Variants in COL18A1 observed in about 807,000 individuals in gnomAD.
COL18A1 encodes collagen alpha-1(XVIII) chain.
A neutral mutation model predicts 168.0 loss-of-function variants in COL18A1; 133 were observed. The ratio of observed to expected loss-of-function variants is 0.79; its 90% CI spans 0.69 to 0.91. The LOEUF (loss-of-function observed/expected upper bound fraction) is 0.91. Among genes scored for constraint, COL18A1 ranks in the 40% least tolerant of loss-of-function variants. The pLI, the probability that COL18A1 is intolerant of heterozygous loss-of-function variation, is 0.00. For synonymous variants in COL18A1, 949 were observed against 809.0 expected (o/e 1.17, Z -2.94); for missense variants, 2,126 against 1,925.4 (o/e 1.10, Z -1.95).
chr21:45,487,414 C>G, intron 16 of COL18A1, 33 bp from the exon 17 acceptor site: 1 of 1,610,274 alleles, frequency 6.2e-7, no homozygotes, highest in African/African-American at 1.3e-5. Context: ...AGAAGGGACA[C>G]AGGCCCCTAC....
intron 15 of COL18A1, among the ~76,000 whole-genome samples, chr21:45,485,122 A>G (rs369212631): frequency 2.8e-5 from 4 of 141,710 alleles, no homozygotes; most frequent in African/African-American, 7.9e-5. Flanking sequence ...AACTGGGACT[A>G]CAGGCATCTG....
At chr21:45,474,803 G>GACCCACAGC (rs1568899770) in intron 4 of COL18A1, among the ~76,000 whole-genome samples, 1 of 146,948 alleles carries the variant, frequency 6.8e-6, no homozygotes, top group Non-Finnish European at 1.5e-5. Context: ...AGACACCGTG[G>GACCCACAGC]CTGGACTGTG....
At chr21:45,502,642 A>G (rs1353153536) in intron 32 of COL18A1, 2 of 152,220 alleles carry the variant, frequency 1.3e-5, no homozygotes, top group African/African-American at 2.4e-5. Context: ...GAGGAAAAGG[A>G]GAGAAGCAGC....
At chr21:45,448,012 C>G (rs2034540220) in intron 2 of COL18A1, among the ~76,000 whole-genome samples, 5 of 152,120 alleles carry the variant, frequency 3.3e-5, no homozygotes, top group Admixed American at 2.0e-4. Context: ...ACACAGAGCC[C>G]CAGGGGACAT....
At chr21:45,496,252 C>T (rs896493312) in intron 29 of COL18A1, 25 of 694,134 alleles carry the variant, frequency 3.6e-5, no homozygotes, top group Middle Eastern at 3.4e-4. Context: ...GACGCAGACC[C>T]GGTGGCCTCT....
At chr21:45,434,598 T>TGGA (rs1380406740) in intron 2 of COL18A1, among the ~76,000 whole-genome samples, 1 of 152,050 alleles carries the variant, frequency 6.6e-6, no homozygotes, top group Non-Finnish European at 1.5e-5. Flanking sequence ...TAAAAAATCA[T>TGGA]GGAGAAGAAC....
intron 14 of COL18A1, among the ~76,000 whole-genome samples, 156 bp from the exon 15 acceptor site, chr21:45,482,639 G>A (rs886482919): frequency 7.2e-5 from 11 of 152,200 alleles, no homozygotes; most frequent in Middle Eastern, 3.2e-3. Context: ...AGAAAGGGGG[G>A]ATGACAGCGG....
At chr21:45,490,211 G>T in intron 19 of COL18A1, 64 bp from the exon 20 acceptor site, 1 of 1,409,972 alleles carries the variant, frequency 7.1e-7, no homozygotes. Flanking sequence ...CGGACTCCTC[G>T]TGGGGGTCCC....
chr21:45,504,616 G>A, intron 34 of COL18A1, 60 bp downstream of exon 34: 4 of 1,480,960 alleles, frequency 2.7e-6, no homozygotes, highest in Non-Finnish European at 3.7e-6. Context: ...CAGGAGCCGA[G>A]GGCAGGTCCA....
chr21:45,497,580 TG>T lies in COL18A1; in HGVS notation c.2621-16del. On this transcript the variant is annotated intron_variant, in intron 31 of 41. Coordinates refer to ENST00000651438, the MANE Select transcript of COL18A1 (RefSeq NM_001379500.1). ...TCCCTGGCACATTCCTGATGGGCAC[TG>T]GGTCTCTCTTCCTCCAGGGAATCAG... The T allele has an allele frequency of 6.4e-7, 1 of 1,555,430 alleles. No individual in the cohort carries two copies. The highest frequency in any genetic ancestry group is 8.7e-7 in the Non-Finnish European group (1 of 1,149,796).
chr21:45,511,257 G>A (rs775005424), intron 41 of COL18A1, 31 bp downstream of exon 41: 3 of 1,256,642 alleles, frequency 2.4e-6, no homozygotes, highest in Non-Finnish European at 1.1e-6. Context: ...GAGCAGCTCT[G>A]AGAGCCCCAG....
rs78555948 is a variant in COL18A1, at chr21:45,503,900, C to T, written c.2684-111C>T. 5.4e-3 allele frequency: 6,015 copies of T among 1,115,026 alleles called. 150 individuals are homozygous for T. Among genetic ancestry groups the T allele is most frequent in the South Asian group, 0.043 (3,428 of 79,940 alleles). 69.1% of individuals were successfully genotyped at this position (1,115,026 alleles called of 1,614,324 possible). ...CTAATTAAATACGCGATCTCTACCG[C>T]GAAATGGCTAGAAGGGCCTCAGGCA... is the stretch of plus-strand genomic sequence containing the variant. On this transcript the variant is annotated intron_variant, in intron 32 of 41. Transcript: ENST00000651438.
intron 2 of COL18A1, among the ~76,000 whole-genome samples, chr21:45,459,414 A>ACAGAGG (rs1314630405): frequency 1.3e-5 from 2 of 152,168 alleles, no homozygotes; most frequent in Admixed American, 1.3e-4. Context: ...CCCTGGCTGC[A>ACAGAGG]TCTCCAGGGA....
chr21:45,438,757 G>T (rs905594077), intron 2 of COL18A1, among the ~76,000 whole-genome samples: 3 of 152,244 alleles, frequency 2.0e-5, no homozygotes, highest in African/African-American at 7.2e-5. Flanking sequence ...CGTGGACAAA[G>T]GCGCATCTAA....
intron 2 of COL18A1, among the ~76,000 whole-genome samples, chr21:45,416,075 G>A (rs937305985): frequency 2.0e-5 from 3 of 152,234 alleles, no homozygotes; most frequent in African/African-American, 7.2e-5. Flanking sequence ...CTGTGACCCT[G>A]ACCCAGCTGA....
chr21:45,417,401 T>G (rs753050629), intron 2 of COL18A1, among the ~76,000 whole-genome samples: 1 of 152,228 alleles, frequency 6.6e-6, no homozygotes, highest in African/African-American at 2.4e-5. Context: ...CTGCCTGCTG[T>G]GCAGGGATCC....
chr21:45,509,775 G>C (rs554794110), intron 39 of COL18A1, among the ~76,000 whole-genome samples, 174 bp downstream of exon 39: 2 of 152,318 alleles, frequency 1.3e-5, no homozygotes, highest in East Asian at 3.9e-4. Flanking sequence ...TTGCCCTCTG[G>C]TGGCCAAGCA....
chr21:45,427,903 G>A (rs1295162526), intron 2 of COL18A1, among the ~76,000 whole-genome samples: 1 of 152,174 alleles, frequency 6.6e-6, no homozygotes, highest in Non-Finnish European at 1.5e-5. Flanking sequence ...TCATACACCC[G>A]GGGCCTGGAT....
chr21:45,501,806 G>A (rs1457834765), intron 32 of COL18A1, among the ~76,000 whole-genome samples: 1 of 55,600 alleles, frequency 1.8e-5, no homozygotes, highest in African/African-American at 6.8e-5. Flanking sequence ...ACCTCTCTCT[G>A]CAGAAGGACC....
Sources: gnomAD v4.1 joint callset for allele counts (sites outside exome capture counted in the v4.1 genomes callset) on GRCh38, gnomAD v4.1.1 for gene constraint, MANE v1.5 for transcripts, NCBI Gene and HGNC (gene_info 2026-07-23, HGNC 2026-07-21) for gene names.